ZNF391: variants seen among roughly 807,000 people sequenced by gnomAD.
ZNF391 encodes the protein zinc finger protein 391.
For missense variants in ZNF391, 375 were observed against 425.5 expected (o/e 0.88, Z 1.04); for synonymous variants, 126 against 142.1 (o/e 0.89, Z 0.80).
Position 27,400,962 on chromosome 6 carries a change from T to G in ZNF391, c.592T>G (p.Cys198Gly). 6.2e-7 allele frequency: 1 copy of G among 1,614,190 alleles called. No individual in the cohort carries two copies. Among genetic ancestry groups the G allele is most frequent in the Non-Finnish European group, 8.5e-7 (1 of 1,180,026 alleles). Residue 198 changes from cysteine to glycine, a missense_variant, in exon 3 of 3, where the codon TGT (cysteine) becomes GGT (glycine). By Grantham distance (159) the Cys-to-Gly change is radical (BLOSUM62 -3). Coordinates refer to ENST00000244576, the MANE Select transcript of ZNF391 (RefSeq NM_001076781.3). ...TGEKPYECSE[C>G]GKAFSRSTNL... ...AGAAAAACCATATGAATGTAGTGAATGTGGAAAAGCCTTTAGCCGAAGCAC... is the reference window on the plus strand; with the variant it reads ...AGAAAAACCATATGAATGTAGTGAAGGTGGAAAAGCCTTTAGCCGAAGCAC...
In ZNF391 at chr6:27,389,026, C is replaced by A. The variant is rs1224535786; in HGVS notation, c.-237C>A. 2.2e-6 allele frequency: 1 copy of A among 456,094 alleles called. No homozygotes were observed. Among genetic ancestry groups the A allele is most frequent in the African/African-American group, 2.0e-5 (1 of 50,048 alleles). The allele number at this position is 456,094 out of a possible 1,614,324, so 28.3% of individuals were successfully genotyped here. On this transcript the variant is annotated 5_prime_UTR_variant, in exon 1 of 3. Coordinates refer to ENST00000244576, the MANE Select transcript of ZNF391 (RefSeq NM_001076781.3). ...ACCCGCCCGGGGTGTGTCGGGGGTA[C>A]TCGGCCGGAGGCGGCCGGTGAGTGA...
At chr6:27,389,269 A>G (rs1271287147) in intron 1 of ZNF391, 194 bp downstream of exon 1, 1 of 456,172 alleles carries the variant, frequency 2.2e-6, no homozygotes, top group Middle Eastern at 3.2e-4. Context: ...TGCGGCAGTG[A>G]CAGCCAGTGG....
In ZNF391 at chr6:27,401,054, A is replaced by G; in HGVS notation, c.684A>G (p.Lys228=). ...CTTACAAATGTAATGAATGTGGGAA[A>G]GCCTTCGGTGACCGTTCAACCATAA... ...ERPYKCNECG[K]AFGDRSTIIQ... Residue 228 remains lysine (K), a synonymous_variant, in exon 3 of 3, where the codon AAA becomes AAG. Transcript: ENST00000244576. 6.2e-7 allele frequency: 1 copy of G among 1,614,230 alleles called. No individual in the cohort carries two copies. The highest frequency in any genetic ancestry group is 8.5e-7 in the Non-Finnish European group (1 of 1,180,030).
rs748962716 is a variant in ZNF391, at chr6:27,388,760, G to C, written c.-503G>C. ...GCTGCTGATACGTTGCTCAGTCTCA[G>C]TGTGGTCTCTGTTTTGCAACTGGTC... On this transcript the variant is annotated 5_prime_UTR_variant, in exon 1 of 3. Coordinates refer to ENST00000244576, the MANE Select transcript of ZNF391 (RefSeq NM_001076781.3). 7 of 397,838 alleles carry C rather than the reference G, an allele frequency of 1.8e-5. No homozygotes were observed. The highest frequency in any genetic ancestry group is 5.4e-5 in the South Asian group (3 of 55,586). 24.6% of individuals were successfully genotyped at this position (397,838 alleles called of 1,614,324 possible).
At chr6:27,381,966 G>T (rs899765308) in intron 1 of ZNF391, among the ~76,000 whole-genome samples, 25 of 149,448 alleles carry the variant, frequency 1.7e-4, no homozygotes, top group South Asian at 4.2e-4. Flanking sequence ...CCTGGAAGGC[G>T]GAGGTTGCAG....
intron 1 of ZNF391, among the ~76,000 whole-genome samples, chr6:27,381,262 C>T (rs1235829791): frequency 6.6e-6 from 1 of 152,240 alleles, no homozygotes; most frequent in African/African-American, 2.4e-5. Context: ...CGCCGGTGGG[C>T]TAGCACTGCT....
chr6:27,381,691 C>T (rs1761511770), intron 1 of ZNF391, among the ~76,000 whole-genome samples: 1 of 152,082 alleles, frequency 6.6e-6, no homozygotes, highest in South Asian at 2.1e-4. Context: ...TGAGCCATGA[C>T]CGTGCCACTG....
At chr6:27,385,359 CAG>C (rs1761571276), upstream of ZNF391, among the ~76,000 whole-genome samples, 1 of 152,018 alleles carries the variant, frequency 6.6e-6, no homozygotes, top group Non-Finnish European at 1.5e-5. Context: ...CATTTTAAGG[CAG>C]AGATTGTGAA....
chr6:27,380,271 G>T (rs753200044), intron 1 of ZNF391, among the ~76,000 whole-genome samples: 1 of 152,016 alleles, frequency 6.6e-6, no homozygotes, highest in Non-Finnish European at 1.5e-5. Flanking sequence ...CCTGGAGTTT[G>T]TTCCTTCTGA....
rs779581649 is a variant in ZNF391 at position 27,400,799 on chromosome 6, G to A, written c.429G>A (p.Gly143=). ...AGCCTTTTGAATGCAACAAATGTGG[G>A]AAATCTTTCAGCCGAAGTACACACC... ...GEKPFECNKC[G]KSFSRSTHLI... is the part of the protein sequence containing the mutation. The change falls in exon 3 of 3, where the codon GGG becomes GGA. Residue 143 remains glycine, a synonymous_variant. Transcript: ENST00000244576. The A allele has an allele frequency of 6.2e-7, 1 of 1,614,158 alleles. No homozygotes were observed. The highest frequency in any genetic ancestry group is 1.1e-5 in the South Asian group (1 of 91,086).
In ZNF391 at chr6:27,400,366, C is replaced by A; in HGVS notation, c.-5C>A. 1.3e-6 allele frequency: 2 copies of A among 1,580,362 alleles called. No individual in the cohort carries two copies. Among genetic ancestry groups the A allele is most frequent in the South Asian group, 2.3e-5 (2 of 85,816 alleles). On this transcript the variant is annotated 5_prime_UTR_variant, in exon 3 of 3. Transcript: ENST00000244576. ...TCCGAAGAACTAGAGTTTTCTGGGT[C>A]AGCAATGGAAAGCCTCAGAGGGAAT...
In ZNF391 at chr6:27,402,287, T is replaced by A. The variant is rs895709475; in HGVS notation, c.*840T>A. ...TTTCATGAAACTTATATTCTGTGGC[T>A]TTGACCCTCACCAATCTTGGAAGAT... On this transcript the variant is annotated 3_prime_UTR_variant, in exon 3 of 3. Transcript: ENST00000244576. The A allele has an allele frequency of 6.6e-6, 1 of 152,182 alleles. No homozygotes were observed. The highest frequency in any genetic ancestry group is 2.4e-5 in the African/African-American group (1 of 41,452). 9.4% of individuals were successfully genotyped at this position (152,182 alleles called of 1,614,324 possible).
intron 1 of ZNF391, among the ~76,000 whole-genome samples, chr6:27,380,220 C>A (rs999869789): frequency 6.6e-6 from 1 of 152,218 alleles, no homozygotes; most frequent in African/African-American, 2.4e-5. Flanking sequence ...ACTTCAAGAA[C>A]GAAGCCGCGG....
In ZNF391 at chr6:27,403,000, A is replaced by G. The variant is rs1762008630; in HGVS notation, c.*1553A>G. ...TCTTTATCTGTAATCAATCAACTTG[A>G]CTTTATTTGATATGGATTAATAATT... On this transcript the variant is annotated 3_prime_UTR_variant, in exon 3 of 3. Transcript: ENST00000244576. 1 of 151,968 alleles carries G rather than the reference A, an allele frequency of 6.6e-6. No homozygotes were observed. Among genetic ancestry groups the G allele is most frequent in the Non-Finnish European group, 1.5e-5 (1 of 68,016 alleles). The allele number at this position is 151,968 out of a possible 1,614,324, so 9.4% of individuals were successfully genotyped here.
intron 1 of ZNF391, among the ~76,000 whole-genome samples, chr6:27,392,520 G>A (rs1438841651): frequency 6.6e-6 from 1 of 152,170 alleles, no homozygotes; most frequent in Admixed American, 6.5e-5. Context: ...CCAAAGTGCT[G>A]GGATTATAGG....
At chr6:27,393,543 T>C in intron 1 of ZNF391, among the ~76,000 whole-genome samples, 1 of 152,166 alleles carries the variant, frequency 6.6e-6, no homozygotes, top group East Asian at 1.9e-4. Context: ...TTTATAGCAA[T>C]GCAAGAATGG....
At chr6:27,375,424 A>G (rs1308432457) in intron 1 of ZNF391, among the ~76,000 whole-genome samples, 7 of 152,210 alleles carry the variant, frequency 4.6e-5, no homozygotes, top group Non-Finnish European at 1.0e-4. Flanking sequence ...GTATGCAGTA[A>G]AGTTCCTCTG....
chr6:27,384,639 A>G (rs1022757548), upstream of ZNF391, among the ~76,000 whole-genome samples: 1 of 152,220 alleles, frequency 6.6e-6, no homozygotes, highest in African/African-American at 2.4e-5. Context: ...ATTCAATTAC[A>G]TATACACACA....
chr6:27,391,789 G>C (rs909290050), intron 1 of ZNF391, among the ~76,000 whole-genome samples: 1 of 152,258 alleles, frequency 6.6e-6, no homozygotes, highest in Middle Eastern at 3.4e-3. Context: ...TTCTTCATTT[G>C]CCTGTTGACT....
Sources: allele counts gnomAD v4.1 joint callset (sites outside exome capture counted in the v4.1 genomes callset), GRCh38; gene constraint gnomAD v4.1.1; transcripts MANE v1.5; gene names NCBI Gene and HGNC (gene_info 2026-07-23, HGNC 2026-07-21).